The following ARHGAP39 variants were observed in gnomAD, a reference collection of about 807,000 sequenced individuals.
The protein encoded by ARHGAP39 is Rho GTPase activating protein 39, also known as rho GTPase-activating protein 39.
ARHGAP39 carries 44 observed loss-of-function variants against 106.9 expected under a neutral mutation model. That is an observed-to-expected ratio of 0.41 (90% CI 0.32 to 0.53). ARHGAP39 has a LOEUF of 0.53. Ranked by LOEUF, ARHGAP39 falls within the 20% of genes least tolerant of loss-of-function variation. The pLI is 0.21. For missense variants in ARHGAP39, 1,496 were observed against 1,577.3 expected, an observed-to-expected ratio of 0.95 and a Z score of 0.87; for synonymous variants, 768 against 693.2, an observed-to-expected ratio of 1.11 and a Z score of -1.69.
chr8:144,657,058 T>C (rs1332502224), intron 1 of ARHGAP39, among the ~76,000 whole-genome samples: 1 of 152,026 alleles, frequency 6.6e-6, no homozygotes, highest in Non-Finnish European at 1.5e-5. Flanking sequence ...GTGACTGCAC[T>C]GGTGAACATT....
chr8:144,574,534 T>C (rs1437293009), intron 3 of ARHGAP39, among the ~76,000 whole-genome samples: 9 of 151,924 alleles, frequency 5.9e-5, no homozygotes, highest in South Asian at 2.1e-4. Flanking sequence ...ATTAGCTGGG[T>C]GTGGTGGCGG....
In ARHGAP39 at chr8:144,547,859, C is replaced by G. The variant is rs1227050382; in HGVS notation, c.1227G>C (p.Lys409Asn). The change falls in exon 5 of 12, where the codon AAG becomes AAC. Residue 409 changes from lysine (K) to asparagine (N), a missense_variant. By Grantham distance (94) the Lys-to-Asn change is moderately conservative. Transcript: ENST00000377307. This position sits in a 1 kb window ranked among gnomAD's most constrained non-coding sequence, Gnocchi z 5.2. ...VYVEQAGSSP[K>N]LRAGPRHKYA... ...ACTTGTGCCGCGGGCCGGCGCGCAG[C>G]TTGGGGCTGGAGCCCGCCTGCTCCA... is the stretch of plus-strand genomic sequence containing the variant. The G allele has an allele frequency of 6.3e-7, 1 of 1,586,894 alleles. No individual in the cohort carries two copies. The highest frequency in any genetic ancestry group is 8.6e-7 in the Non-Finnish European group (1 of 1,167,276).
At chr8:144,648,633 T>G (rs569554375) in intron 1 of ARHGAP39, among the ~76,000 whole-genome samples, 2 of 152,342 alleles carry the variant, frequency 1.3e-5, no homozygotes, top group East Asian at 1.9e-4. Context: ...GGAGGGCTGC[T>G]CAGCCAGTGC....
At chr8:144,542,213 T>C (rs780840766) in intron 6 of ARHGAP39, among the ~76,000 whole-genome samples, 1 of 152,196 alleles carries the variant, frequency 6.6e-6, no homozygotes, top group Non-Finnish European at 1.5e-5. Context: ...TGCTCCTCGA[T>C]GTCTGTGTCG....
In ARHGAP39 at chr8:144,548,916, A is replaced by C. The variant is rs941377590; in HGVS notation, c.597-427T>G. 6.6e-6 allele frequency among the ~76,000 whole-genome samples: 1 copy of C among 152,152 alleles called. No homozygotes were observed. Among genetic ancestry groups the C allele is most frequent in the Non-Finnish European group, 1.5e-5 (1 of 68,004 alleles). Reference sequence around the variant, plus strand: ...GGTCCAGGTGAGCCCAGCAGGAGGAAGGCACACCACCAGAATCCCACGGCC... The same window carrying C: ...GGTCCAGGTGAGCCCAGCAGGAGGACGGCACACCACCAGAATCCCACGGCC... On this transcript the variant is annotated intron_variant, in intron 4 of 11. Transcript: ENST00000377307. The surrounding 1 kb of genome is among the most constrained non-coding windows in gnomAD (Gnocchi z 7.4).
At chr8:144,557,415 T>A in intron 3 of ARHGAP39, among the ~76,000 whole-genome samples, 1 of 130,394 alleles carries the variant, frequency 7.7e-6, no homozygotes, top group South Asian at 2.5e-4. Context: ...CTTCGTAGTA[T>A]TCAGCGGCAA....
At chr8:144,540,819 T>C (rs1318696719) in intron 6 of ARHGAP39, among the ~76,000 whole-genome samples, 1 of 152,144 alleles carries the variant, frequency 6.6e-6, no homozygotes, top group Non-Finnish European at 1.5e-5. Flanking sequence ...GAAATATTTA[T>C]TTGAAACGAA....
At chr8:144,536,662 G>T (rs1456835159) in intron 7 of ARHGAP39, among the ~76,000 whole-genome samples, 1 of 152,178 alleles carries the variant, frequency 6.6e-6, no homozygotes, top group Admixed American at 6.5e-5. Flanking sequence ...GGTGACTCGG[G>T]ACTGGGCCAG....
intron 7 of ARHGAP39, among the ~76,000 whole-genome samples, chr8:144,537,043 T>C (rs1816984580): frequency 6.6e-6 from 1 of 152,098 alleles, no homozygotes; most frequent in African/African-American, 2.4e-5. Flanking sequence ...AGCCTGTGTG[T>C]GCATGGGTGT....
At chr8:144,535,755 CTG>C (rs1255843219) in intron 7 of ARHGAP39, among the ~76,000 whole-genome samples, 6 of 152,240 alleles carry the variant, frequency 3.9e-5, no homozygotes, top group Non-Finnish European at 5.9e-5. Flanking sequence ...CTCCAACACT[CTG>C]TGACTGGGAT....
intron 3 of ARHGAP39, among the ~76,000 whole-genome samples, chr8:144,570,326 C>T (rs1174501119): frequency 6.6e-6 from 1 of 152,204 alleles, no homozygotes; most frequent in African/African-American, 2.4e-5. Context: ...TCGTCAATGA[C>T]TGGAACAATC....
chr8:144,610,589 G>GT (rs571451533), intron 1 of ARHGAP39, among the ~76,000 whole-genome samples: 85 of 151,980 alleles, frequency 5.6e-4, no homozygotes, highest in Non-Finnish European at 1.0e-3. Context: ...GCGGGCGCCT[G>GT]TAGTCCCAGC....
intron 5 of ARHGAP39, 110 bp from the exon 6 acceptor site, chr8:144,545,920 C>CCAGG: frequency 1.1e-6 from 1 of 931,108 alleles, no homozygotes; most frequent in East Asian, 2.7e-5. Flanking sequence ...CCAGAGCCAG[C>CCAGG]CAGGTGAGAG....
upstream of ARHGAP39, among the ~76,000 whole-genome samples, chr8:144,686,791 C>T (rs889151390): frequency 2.0e-5 from 3 of 152,346 alleles, no homozygotes; most frequent in East Asian, 3.9e-4. Flanking sequence ...CTTAGAAAAC[C>T]CAACTGGGCG....
intron 1 of ARHGAP39, among the ~76,000 whole-genome samples, chr8:144,662,926 C>T (rs1486821014): frequency 6.6e-5 from 10 of 150,960 alleles, no homozygotes; most frequent in Admixed American, 5.3e-4. Flanking sequence ...CATTATCCAC[C>T]TTGGACTGCT....
Position 144,641,412 on chromosome 8 carries a change from G to A in ARHGAP39, c.-81-35717C>T, listed in dbSNP as rs548950563. Among the ~76,000 whole-genome samples the A allele has an allele frequency of 5.3e-5, 8 of 152,064 alleles. No individual in the cohort carries two copies. In the South Asian group the frequency reaches 1.0e-3, roughly 20 times the overall value. On this transcript the variant is annotated intron_variant, in intron 1 of 11. Transcript: ENST00000377307. This position sits in a 1 kb window ranked among gnomAD's most constrained non-coding sequence, Gnocchi z 5.2. Reference sequence around the variant, plus strand: ...CAGGCAGATGATGGGCTGGTAAAGCGAAGCTGACCACCAAGACCCCACCAT... The same window carrying A: ...CAGGCAGATGATGGGCTGGTAAAGCAAAGCTGACCACCAAGACCCCACCAT...
chr8:144,573,421 A>T (rs1818653553), intron 3 of ARHGAP39, among the ~76,000 whole-genome samples: 1 of 142,012 alleles, frequency 7.0e-6, no homozygotes, highest in Admixed American at 7.0e-5. Context: ...ACACTTGGAC[A>T]CAGGGCGGGG....
intron 7 of ARHGAP39, among the ~76,000 whole-genome samples, chr8:144,534,655 T>TG (rs903838639): frequency 2.6e-5 from 4 of 152,194 alleles, no homozygotes; most frequent in Non-Finnish European, 5.9e-5. Flanking sequence ...CAGCCAGTGC[T>TG]GGGGGAGGCA....
chr8:144,646,757 C>T lies in ARHGAP39; in HGVS notation c.-82+38929G>A, dbSNP rs897463838. Among the ~76,000 whole-genome samples the T allele has an allele frequency of 1.3e-5, 2 of 152,200 alleles. No individual in the cohort carries two copies. The highest frequency in any genetic ancestry group is 1.9e-4 in the East Asian group (1 of 5,176). On this transcript the variant is annotated intron_variant, in intron 1 of 11. Coordinates refer to ENST00000377307, the MANE Select transcript of ARHGAP39 (RefSeq NM_025251.3). The surrounding 1 kb of genome is among the most constrained non-coding windows in gnomAD (Gnocchi z 5.7). ...GACAGCCTGGTCCTGGTGAGACCCTCGCTGGGCCCAGAGTCCAAGCGGGCC... is the reference window on the plus strand; with the variant it reads ...GACAGCCTGGTCCTGGTGAGACCCTTGCTGGGCCCAGAGTCCAAGCGGGCC...
Sources: allele counts gnomAD v4.1 joint callset (sites outside exome capture counted in the v4.1 genomes callset), GRCh38; gene constraint gnomAD v4.1.1; non-coding constraint Gnocchi (gnomAD v3.1); transcripts MANE v1.5; gene names NCBI Gene and HGNC (gene_info 2026-07-23, HGNC 2026-07-21).